FOXP1: variants seen among roughly 807,000 people sequenced by gnomAD.
FOXP1 encodes the protein forkhead box protein P1.
FOXP1 carries 15 observed loss-of-function variants against 98.2 expected under a neutral mutation model. That is an observed-to-expected ratio of 0.15 (90% CI 0.10 to 0.24). The LOEUF (loss-of-function observed/expected upper bound fraction) is 0.24. Among genes scored for constraint, FOXP1 ranks in the 10% least tolerant of loss-of-function variants. The pLI, the probability that FOXP1 is intolerant of heterozygous loss-of-function variation, is 1.00. For missense variants in FOXP1, 633 were observed against 848.5 expected (o/e 0.75, Z 3.15); for synonymous variants, 371 against 314.5 (o/e 1.18, Z -1.90).
chr3:71,454,652 A>G (rs1429093772), intron 3 of FOXP1, among the ~76,000 whole-genome samples: 1 of 152,164 alleles, frequency 6.6e-6, no homozygotes, highest in Non-Finnish European at 1.5e-5. Context: ...ACCTCAAGGT[A>G]TGAGGAGGAC....
chr3:70,973,233 CCCCCGCCCCCGCCCCG>C (rs918481153), intron 17 of FOXP1, among the ~76,000 whole-genome samples: 21 of 113,282 alleles, frequency 1.9e-4, no homozygotes, highest in Admixed American at 8.1e-4. Flanking sequence ...GTGAACGGAC[CCCCCGCCCCCGCCCCG>C]CCCCGCCCCG....
chr3:71,207,738 TA>T (rs11305999), intron 5 of FOXP1, among the ~76,000 whole-genome samples: 126,681 of 151,476 alleles, frequency 0.84, 53,006 homozygotes, highest in Admixed American at 0.9. Context: ...AACAATAACT[TA>T]AAAAAAAAAT....
At chr3:71,450,056 A>C (rs546009234) in intron 3 of FOXP1, among the ~76,000 whole-genome samples, 1 of 152,318 alleles carries the variant, frequency 6.6e-6, no homozygotes, top group East Asian at 1.9e-4. Flanking sequence ...GAAGTTTTCC[A>C]CTTTAACCTC....
chr3:70,983,143 T>C (rs921891153), intron 14 of FOXP1, among the ~76,000 whole-genome samples: 4 of 151,858 alleles, frequency 2.6e-5, no homozygotes, highest in African/African-American at 9.7e-5. Flanking sequence ...GTTACAAGCC[T>C]TTCCTTTCCT....
At position 70,959,101 on chromosome 3, in the gene FOXP1, T is replaced by G; in HGVS notation, c.*146A>C. 2 of 906,682 alleles carry G rather than the reference T, an allele frequency of 2.2e-6. No individual in the cohort carries two copies. The highest frequency in any genetic ancestry group is 1.5e-5 in the South Asian group (1 of 65,652). 56.2% of individuals were successfully genotyped at this position (906,682 alleles called of 1,614,324 possible). A position where few individuals can be genotyped will look rare whatever the true frequency, so the allele number is the denominator to read the frequency against. ...ATGGGGTTCTTGATGGCACTAAGAG[T>G]TAACACATTTCAGAGTTGTCAAAAC... is the stretch of plus-strand genomic sequence containing the variant. On this transcript the variant is annotated 3_prime_UTR_variant, in exon 21 of 21. Transcript: ENST00000649528.
At chr3:71,409,225 C>T (rs567069811) in intron 3 of FOXP1, among the ~76,000 whole-genome samples, 61 of 152,128 alleles carry the variant, frequency 4.0e-4, no homozygotes, top group Admixed American at 9.2e-4. Context: ...CCCACAGTCT[C>T]CATTTCTTTA....
chr3:71,390,315 A>G (rs1299542806), intron 3 of FOXP1, among the ~76,000 whole-genome samples: 1 of 152,122 alleles, frequency 6.6e-6, no homozygotes, highest in African/African-American at 2.4e-5. Context: ...AGAAACACAT[A>G]CTTCAGCAGT....
At chr3:71,576,747 C>G (rs776123827) in intron 2 of FOXP1, among the ~76,000 whole-genome samples, 1 of 152,158 alleles carries the variant, frequency 6.6e-6, no homozygotes, top group Non-Finnish European at 1.5e-5. Context: ...TTTCATGGCA[C>G]TAAACTGAGC....
At chr3:71,001,186 G>A in intron 12 of FOXP1, 127 bp from the exon 13 acceptor site, 1 of 711,306 alleles carries the variant, frequency 1.4e-6, no homozygotes, top group Non-Finnish European at 2.5e-6. Context: ...TCCAGGGGGT[G>A]GCCTGTCCTT....
intron 7 of FOXP1, among the ~76,000 whole-genome samples, chr3:71,092,281 G>A (rs2055953687): frequency 6.6e-6 from 1 of 152,130 alleles, no homozygotes; most frequent in Non-Finnish European, 1.5e-5. Flanking sequence ...TGAGGCAGGA[G>A]AATCGCTTGA....
At chr3:71,196,688 A>G (rs1225888889) in intron 6 of FOXP1, among the ~76,000 whole-genome samples, 5 of 152,252 alleles carry the variant, frequency 3.3e-5, no homozygotes, top group Non-Finnish European at 7.3e-5. Flanking sequence ...ATGAACATGT[A>G]CTTGCACAAA....
chr3:71,515,220 C>T (rs1343194328), intron 2 of FOXP1, among the ~76,000 whole-genome samples: 1 of 152,018 alleles, frequency 6.6e-6, no homozygotes, highest in Non-Finnish European at 1.5e-5. Flanking sequence ...TGCCATCTAT[C>T]CCATACCCTC....
rs377023710 is a variant in FOXP1, at chr3:71,088,393, G to GT, written c.282+24142dup. Among the ~76,000 whole-genome samples, 27 of 120,186 alleles carry GT rather than the reference G, an allele frequency of 2.2e-4. 1 individual carries two copies. The South Asian group carries it at 7.5e-3, about 33-fold the overall frequency. The allele number at this position is 120,186 out of a possible 152,430, so 78.8% of individuals were successfully genotyped here. A position where few individuals can be genotyped will look rare whatever the true frequency, so the allele number is the denominator to read the frequency against. On this transcript the variant is annotated intron_variant, in intron 7 of 20. Coordinates refer to ENST00000649528, the MANE Select transcript of FOXP1 (RefSeq NM_001349338.3). ...ACAACATGTGGTGATACATTGTTTT[G>GT]TTTTTTGTTTTTTTTTTTTTGGCTT...
chr3:71,457,232 A>G (rs2087590779), intron 3 of FOXP1, among the ~76,000 whole-genome samples: 1 of 152,236 alleles, frequency 6.6e-6, no homozygotes, highest in South Asian at 2.1e-4. Context: ...TAGCAATCCA[A>G]TAAAATCAAA....
intron 5 of FOXP1, among the ~76,000 whole-genome samples, chr3:71,228,912 A>G (rs1423953862): frequency 1.3e-5 from 2 of 151,726 alleles, no homozygotes; most frequent in Non-Finnish European, 2.9e-5. Context: ...AACACAAAAG[A>G]TGTTTAAAAT....
chr3:71,345,449 T>C (rs1303979071), intron 4 of FOXP1, among the ~76,000 whole-genome samples: 1 of 134,282 alleles, frequency 7.4e-6, no homozygotes, highest in Non-Finnish European at 1.6e-5. Flanking sequence ...CACACATATA[T>C]ATACCAAAAA....
intron 14 of FOXP1, among the ~76,000 whole-genome samples, chr3:70,986,647 A>C (rs1194727738): frequency 2.0e-5 from 3 of 152,206 alleles, no homozygotes; most frequent in African/African-American, 7.2e-5. Context: ...GGTTGCTAGA[A>C]ATAGCACAGC....
intron 3 of FOXP1, among the ~76,000 whole-genome samples, chr3:71,467,553 G>T (rs548977235): frequency 6.6e-6 from 1 of 152,156 alleles, no homozygotes; most frequent in African/African-American, 2.4e-5. Flanking sequence ...GCCATGCCAC[G>T]ACAGCTCTTG....
Position 70,957,459 on chromosome 3 carries a change from C to T in FOXP1, c.*1788G>A. On this transcript the variant is annotated 3_prime_UTR_variant, in exon 21 of 21. Coordinates refer to ENST00000649528, the MANE Select transcript of FOXP1 (RefSeq NM_001349338.3). ...TGATCAACAATAAGAGGATATTTGG[C>T]TTCATCAGATAAAGCATAAAACAGA... 1 of 230,178 alleles carries T rather than the reference C, an allele frequency of 4.3e-6. No individual in the cohort carries two copies. The highest frequency in any genetic ancestry group is 5.7e-5 in the Admixed American group (1 of 17,668). The allele number at this position is 230,178 out of a possible 1,614,324, so 14.3% of individuals were successfully genotyped here. A position where few individuals can be genotyped will look rare whatever the true frequency, so the allele number is the denominator to read the frequency against.
Sources: allele counts gnomAD v4.1 joint callset (sites outside exome capture counted in the v4.1 genomes callset), GRCh38; gene constraint gnomAD v4.1.1; transcripts MANE v1.5; gene names NCBI Gene and HGNC (gene_info 2026-07-23, HGNC 2026-07-21).